ALK: variants seen among roughly 807,000 people sequenced by gnomAD.
The protein encoded by ALK is ALK receptor tyrosine kinase.
Under a neutral mutation model 163.1 loss-of-function variants are expected in ALK, and 74 were observed. That is an observed-to-expected ratio of 0.45 (90% confidence interval 0.38 to 0.55). The LOEUF (loss-of-function observed/expected upper bound fraction) is 0.55. ALK is among the 20% of genes least tolerant of loss of function. The pLI, the probability that ALK is intolerant of heterozygous loss-of-function variation, is 0.00. For synonymous variants in ALK, 960 were observed against 843.2 expected (o/e 1.14, Z -2.40); for missense variants, 2,063 against 2,105.3 (o/e 0.98, Z 0.39).
At chr2:29,755,231 A>G (rs1393861878) in intron 1 of ALK, among the ~76,000 whole-genome samples, 2 of 152,116 alleles carry the variant, frequency 1.3e-5, no homozygotes, top group Non-Finnish European at 2.9e-5. Flanking sequence ...AAACACCTCA[A>G]CCCTGCACTC....
intron 1 of ALK, among the ~76,000 whole-genome samples, chr2:29,802,334 GAGGGC>G (rs1558494542): frequency 3.6e-5 from 1 of 27,842 alleles, no homozygotes; most frequent in African/African-American, 1.3e-4. Flanking sequence ...GAGAGGAGGG[GAGGGC>G]AGGGGAGGGG....
intron 4 of ALK, among the ~76,000 whole-genome samples, chr2:29,471,151 A>C (rs558462139): frequency 3.9e-5 from 6 of 152,336 alleles, no homozygotes; most frequent in Admixed American, 3.9e-4. Flanking sequence ...ATATAATTAA[A>C]TACTTTTCTA....
intron 1 of ALK, among the ~76,000 whole-genome samples, chr2:29,825,802 G>T (rs78720239): frequency 0.021 from 3,174 of 152,188 alleles, 111 homozygotes; most frequent in African/African-American, 0.073. Context: ...AGGCAGAGAT[G>T]ATCTGAACTT....
chr2:29,786,771 GT>G (rs1016624179), intron 1 of ALK, among the ~76,000 whole-genome samples: 5 of 151,968 alleles, frequency 3.3e-5, no homozygotes, highest in South Asian at 4.2e-4. Flanking sequence ...TTCCCTGGGA[GT>G]TTTTTTTGTT....
chr2:29,300,871 C>G (rs148685226), intron 8 of ALK, among the ~76,000 whole-genome samples: 1 of 152,176 alleles, frequency 6.6e-6, no homozygotes, highest in African/African-American at 2.4e-5. Flanking sequence ...CTGACCACAC[C>G]CTTTCTCTCA....
chr2:29,667,630 G>C (rs757797836), intron 3 of ALK, among the ~76,000 whole-genome samples: 46 of 151,608 alleles, frequency 3.0e-4, no homozygotes, highest in South Asian at 4.2e-4. Flanking sequence ...TGCATCCCTG[G>C]GATAAATCCC....
At chr2:29,219,520 C>G (rs1268603942) in intron 23 of ALK, among the ~76,000 whole-genome samples, 1 of 152,200 alleles carries the variant, frequency 6.6e-6, no homozygotes, top group Non-Finnish European at 1.5e-5. Context: ...GCTGCTTTTA[C>G]TGTGCAAGTC....
intron 1 of ALK, among the ~76,000 whole-genome samples, chr2:29,878,102 G>T (rs1052426284): frequency 1.3e-5 from 2 of 152,124 alleles, no homozygotes; most frequent in African/African-American, 4.8e-5. Flanking sequence ...AAGATAAAAA[G>T]CTACCTCCTT....
At chr2:29,451,958 G>A (rs894309943) in intron 4 of ALK, among the ~76,000 whole-genome samples, 3 of 152,300 alleles carry the variant, frequency 2.0e-5, no homozygotes, top group Admixed American at 6.5e-5. Context: ...TCAAAGTGTG[G>A]CTACTGTGAC....
intron 4 of ALK, among the ~76,000 whole-genome samples, chr2:29,523,858 GTTTTTTTTTTTTT>G (rs58587837): frequency 9.0e-5 from 10 of 110,952 alleles, no homozygotes; most frequent in African/African-American, 1.4e-4. Flanking sequence ...GAAGCTGAAG[GTTTTTTTTTTTTT>G]TTTTTTTTTT....
chr2:29,356,946 C>G (rs13033797), intron 5 of ALK, among the ~76,000 whole-genome samples: 27,474 of 152,060 alleles, frequency 0.18, 2,970 homozygotes, highest in Middle Eastern at 0.29. Context: ...TGCTCCACAT[C>G]TTCAGAGACC....
chr2:29,240,766 G>T (rs1664503294), intron 12 of ALK, among the ~76,000 whole-genome samples: 1 of 152,216 alleles, frequency 6.6e-6, no homozygotes, highest in South Asian at 2.1e-4. Context: ...AGAGCGGCAT[G>T]TCTTGAAGAC....
At chr2:29,894,795 C>T (rs956142557) in intron 1 of ALK, among the ~76,000 whole-genome samples, 7 of 151,626 alleles carry the variant, frequency 4.6e-5, no homozygotes, top group East Asian at 3.9e-4. Flanking sequence ...AGGAGGATGA[C>T]GGGAACATAC....
chr2:29,408,453 A>C (rs577084011), intron 4 of ALK, among the ~76,000 whole-genome samples: 6 of 152,250 alleles, frequency 3.9e-5, no homozygotes, highest in African/African-American at 1.2e-4. Context: ...AGGGGTAACA[A>C]GCCCGATGGA....
At chr2:29,864,312 A>T (rs183958909) in intron 1 of ALK, among the ~76,000 whole-genome samples, 4 of 152,266 alleles carry the variant, frequency 2.6e-5, no homozygotes, top group Admixed American at 2.6e-4. Flanking sequence ...ACCACTTCTC[A>T]TGTCTGAAAT....
rs142185082 is a variant in ALK at position 29,911,547 on chromosome 2, T to G, written c.667+8446A>C. On this transcript the variant is annotated intron_variant, in intron 1 of 28. Transcript: ENST00000389048. ...ATACAGGTAGGTAAAACTCTAAGTT[T>G]AAGGAGAATCCTAAAGAGAGCTGGA... 8.0e-4 allele frequency among the ~76,000 whole-genome samples: 122 copies of G among 152,358 alleles called. 1 individual carries two copies. In the East Asian group the frequency reaches 0.012, roughly 15 times the overall value.
chr2:29,249,139 A>T (rs1291769977), intron 12 of ALK, among the ~76,000 whole-genome samples: 3 of 151,616 alleles, frequency 2.0e-5, no homozygotes, highest in Admixed American at 6.6e-5. Context: ...AGCTTGATTC[A>T]CACTGTCTCG....
intron 4 of ALK, among the ~76,000 whole-genome samples, chr2:29,452,054 A>G (rs148272405): frequency 1.3e-5 from 2 of 152,306 alleles, no homozygotes; most frequent in East Asian, 1.9e-4. Context: ...TGACTACCCT[A>G]TTGGACAGCA....
At chr2:29,364,271 C>T (rs1668450926) in intron 5 of ALK, among the ~76,000 whole-genome samples, 2 of 152,118 alleles carry the variant, frequency 1.3e-5, no homozygotes, top group Admixed American at 1.3e-4. Context: ...GGCTGAGAGG[C>T]TTTGGTTGCT....
Sources: gnomAD v4.1 joint callset for allele counts (sites outside exome capture counted in the v4.1 genomes callset) on GRCh38, gnomAD v4.1.1 for gene constraint, MANE v1.5 for transcripts, NCBI Gene and HGNC (gene_info 2026-07-23, HGNC 2026-07-21) for gene names.